Variants in EYA4 observed in about 807,000 individuals in gnomAD.
EYA4 encodes the protein EYA transcriptional coactivator and phosphatase 4, also known as protein phosphatase EYA4.
EYA4 carries 31 observed loss-of-function variants against 87.9 expected under a neutral mutation model. The ratio of observed to expected loss-of-function variants is 0.35; its 90% CI spans 0.27 to 0.48. The LOEUF (loss-of-function observed/expected upper bound fraction) is 0.48. Ranked by LOEUF, EYA4 falls within the 20% of genes least tolerant of loss-of-function variation. The probability of loss-of-function intolerance (pLI) is 0.99; values close to 1 mark genes in which losing one functional copy is unlikely to be tolerated. For synonymous variants in EYA4, 263 were observed against 270.6 expected, an observed-to-expected ratio of 0.97 and a Z score of 0.28; for missense variants, 678 against 761.4, an observed-to-expected ratio of 0.89 and a Z score of 1.29.
chr6:133,249,766 G>A (rs1774735623), intron 1 of EYA4, among the ~76,000 whole-genome samples: 1 of 152,114 alleles, frequency 6.6e-6, no homozygotes, highest in Non-Finnish European at 1.5e-5. Context: ...CCTCTGATAA[G>A]TTCCTCTGAC....
At chr6:133,522,770 A>G (rs900651230) in intron 17 of EYA4, among the ~76,000 whole-genome samples, 3 of 152,138 alleles carry the variant, frequency 2.0e-5, no homozygotes, top group Non-Finnish European at 2.9e-5. Context: ...CCATGTTTTC[A>G]TTCTGTAACA....
In EYA4 at chr6:133,529,543, CCTTTGTGATGATT is replaced by C. The variant is rs1247362877; in HGVS notation, c.*742_*754del. The C allele has an allele frequency of 1.1e-6, 1 of 889,068 alleles. No individual in the cohort carries two copies. Among genetic ancestry groups the C allele is most frequent in the Non-Finnish European group, 1.3e-6 (1 of 751,094 alleles). 55.1% of individuals were successfully genotyped at this position (889,068 alleles called of 1,614,324 possible). ...TAATGAAAAAAAACAAAAAAAAAAA[CCTTTGTGATGATT>C]CTTAACATGACCAAATTTAAAAGTC... On this transcript the variant is annotated 3_prime_UTR_variant, in exon 20 of 20. Transcript: ENST00000355286.
intron 3 of EYA4, 33 bp from the exon 4 acceptor site, chr6:133,446,597 T>C: frequency 6.2e-7 from 1 of 1,613,400 alleles, no homozygotes; most frequent in Non-Finnish European, 8.5e-7. Flanking sequence ...TGCTGCAATT[T>C]CAACTTTTCT....
At chr6:133,358,087 T>G (rs1784202985) in intron 2 of EYA4, among the ~76,000 whole-genome samples, 1 of 152,200 alleles carries the variant, frequency 6.6e-6, no homozygotes, top group South Asian at 2.1e-4. Context: ...TCCCGATAGC[T>G]TCATAGCTGC....
intron 2 of EYA4, among the ~76,000 whole-genome samples, chr6:133,365,054 A>G (rs531001597): frequency 1.3e-5 from 2 of 152,284 alleles, no homozygotes; most frequent in South Asian, 2.1e-4. Context: ...TACCTATCTC[A>G]GGCTAGACTG....
intron 2 of EYA4, among the ~76,000 whole-genome samples, chr6:133,324,610 C>T (rs1242924475): frequency 6.6e-6 from 1 of 151,506 alleles, no homozygotes; most frequent in Non-Finnish European, 1.5e-5. Context: ...TATTATGTGT[C>T]TGAAATATTG....
chr6:133,395,177 A>G (rs984050736), intron 3 of EYA4, among the ~76,000 whole-genome samples: 10 of 151,892 alleles, frequency 6.6e-5, no homozygotes, highest in Non-Finnish European at 1.2e-4. Flanking sequence ...GTTATCTAGA[A>G]TTATTCCTTT....
At chr6:133,304,555 G>A (rs1210567855) in intron 2 of EYA4, among the ~76,000 whole-genome samples, 2 of 152,204 alleles carry the variant, frequency 1.3e-5, no homozygotes, top group Non-Finnish European at 2.9e-5. Flanking sequence ...TGGAGGATAA[G>A]TCTGGAGAAA....
intron 1 of EYA4, among the ~76,000 whole-genome samples, chr6:133,259,875 G>T (rs1177365276): frequency 6.6e-6 from 1 of 152,110 alleles, no homozygotes; most frequent in African/African-American, 2.4e-5. Context: ...TTGTGATTTT[G>T]TTATTGTTTT....
chr6:133,325,260 A>G (rs1781412850), intron 2 of EYA4: 1 of 152,206 alleles, frequency 6.6e-6, no homozygotes, highest in Non-Finnish European at 1.5e-5. Context: ...AGGCTAGCCC[A>G]TCAGATGAAG....
At chr6:133,504,403 C>T (rs1209175334) in intron 13 of EYA4, among the ~76,000 whole-genome samples, 1 of 152,142 alleles carries the variant, frequency 6.6e-6, no homozygotes, top group African/African-American at 2.4e-5. Flanking sequence ...AGTCAGCATC[C>T]ATTACTGAGA....
intron 3 of EYA4, among the ~76,000 whole-genome samples, chr6:133,442,365 T>C (rs1792392646): frequency 6.6e-6 from 1 of 152,224 alleles, no homozygotes; most frequent in Non-Finnish European, 1.5e-5. Flanking sequence ...AGAGTTGAGC[T>C]TAACTGGAGC....
chr6:133,299,714 A>AAAAAT (rs201014987), intron 2 of EYA4, among the ~76,000 whole-genome samples: 7,390 of 137,418 alleles, frequency 0.054, 309 homozygotes, highest in African/African-American at 0.12. Context: ...TCTGTCTCAA[A>AAAAAT]AAAATAAAAT....
chr6:133,402,652 T>A lies in EYA4; in HGVS notation c.83+20211T>A, dbSNP rs113485467. Among the ~76,000 whole-genome samples, 871 of 152,164 alleles carry A rather than the reference T, an allele frequency of 5.7e-3. 8 individuals are homozygous for A. The highest frequency in any genetic ancestry group is 0.02 in the African/African-American group (838 of 41,518). On this transcript the variant is annotated intron_variant, in intron 3 of 19. Transcript: ENST00000355286. The stretch of plus-strand genomic sequence containing the variant: ...GTGGGAATTTTTGTCTGGAACTGGG[T>A]GTCATATGCTTACATCTCTGTCTAG...
chr6:133,353,487 A>C (rs1181524769), intron 2 of EYA4, among the ~76,000 whole-genome samples: 2 of 152,152 alleles, frequency 1.3e-5, no homozygotes, highest in African/African-American at 4.8e-5. Context: ...AAGCAAACAC[A>C]CATAAAAAGT....
chr6:133,434,312 T>A (rs1257373813), intron 3 of EYA4, among the ~76,000 whole-genome samples: 2 of 152,206 alleles, frequency 1.3e-5, no homozygotes, highest in African/African-American at 2.4e-5. Flanking sequence ...TCTGATAGTA[T>A]AAGTTATCTG....
At chr6:133,258,384 G>A (rs903903004) in intron 1 of EYA4, among the ~76,000 whole-genome samples, 13 of 152,068 alleles carry the variant, frequency 8.5e-5, no homozygotes, top group African/African-American at 2.4e-4. Flanking sequence ...TTTTTATTGC[G>A]ATCTTTTTCT....
intron 3 of EYA4, among the ~76,000 whole-genome samples, chr6:133,417,481 A>T (rs1401336052): frequency 6.6e-6 from 1 of 152,264 alleles, no homozygotes; most frequent in East Asian, 1.9e-4. Context: ...AGAAAAGGTG[A>T]ATATGACATA....
At chr6:133,365,933 A>G (rs1784821604) in intron 2 of EYA4, among the ~76,000 whole-genome samples, 2 of 152,210 alleles carry the variant, frequency 1.3e-5, no homozygotes, top group Non-Finnish European at 2.9e-5. Context: ...CACAAATTCC[A>G]GAGCATCGGA....
Sources: allele counts gnomAD v4.1 joint callset (sites outside exome capture counted in the v4.1 genomes callset), GRCh38; gene constraint gnomAD v4.1.1; transcripts MANE v1.5; gene names NCBI Gene and HGNC (gene_info 2026-07-23, HGNC 2026-07-21).